HHAT: variants seen among roughly 807,000 people sequenced by gnomAD.
HHAT encodes protein-cysteine N-palmitoyltransferase HHAT.
A neutral mutation model predicts 70.8 loss-of-function variants in HHAT; 47 were observed. The observed-to-expected ratio is 0.66, with a 90% CI of 0.53 to 0.85. The LOEUF is 0.85. Among genes scored for constraint, HHAT ranks in the 40% least tolerant of loss-of-function variants. HHAT has a pLI of 0.00. For missense variants in HHAT, 609 were observed against 604.8 expected (o/e 1.01, Z -0.07); for synonymous variants, 228 against 247.6 (o/e 0.92, Z 0.74).
intron 2 of HHAT, among the ~76,000 whole-genome samples, chr1:210,354,340 G>T (rs934474613): frequency 2.0e-5 from 3 of 151,306 alleles, no homozygotes; most frequent in Admixed American, 2.0e-4. Flanking sequence ...GAGTAGCTGG[G>T]ATTACAGGTG....
intron 10 of HHAT, among the ~76,000 whole-genome samples, chr1:210,615,709 C>G (rs1026734586): frequency 6.6e-6 from 1 of 152,246 alleles, no homozygotes; most frequent in Non-Finnish European, 1.5e-5. Flanking sequence ...CCACTCCAGA[C>G]CCTGTTTGCC....
At chr1:210,363,985 T>C (rs976266709) in intron 3 of HHAT, among the ~76,000 whole-genome samples, 1 of 152,232 alleles carries the variant, frequency 6.6e-6, no homozygotes, top group African/African-American at 2.4e-5. Context: ...GCTTGAATTG[T>C]AACAAATGTA....
intron 9 of HHAT, among the ~76,000 whole-genome samples, chr1:210,542,220 C>T (rs1051947698): frequency 2.0e-5 from 3 of 152,192 alleles, no homozygotes; most frequent in Non-Finnish European, 4.4e-5. Flanking sequence ...CTTTCTCCAT[C>T]TGCCTGCCTC....
chr1:210,463,394 T>C (rs1433983265), intron 7 of HHAT, among the ~76,000 whole-genome samples: 5 of 152,214 alleles, frequency 3.3e-5, no homozygotes, highest in African/African-American at 1.2e-4. Flanking sequence ...TTCATATGAA[T>C]GGAATAATAC....
chr1:210,370,610 AT>A (rs10664778), intron 3 of HHAT, among the ~76,000 whole-genome samples: 11,975 of 97,988 alleles, frequency 0.12, 419 homozygotes, highest in Non-Finnish European at 0.17. Flanking sequence ...TGCAGATGCT[AT>A]TTTTTTTTTT....
At chr1:210,664,821 T>C (rs1678544705) in intron 11 of HHAT, among the ~76,000 whole-genome samples, 1 of 152,204 alleles carries the variant, frequency 6.6e-6, no homozygotes, top group Non-Finnish European at 1.5e-5. Context: ...TTACTCACTC[T>C]AGGGTAGCAT....
At chr1:210,649,474 A>G (rs1212791587) in intron 11 of HHAT, among the ~76,000 whole-genome samples, 1 of 152,238 alleles carries the variant, frequency 6.6e-6, no homozygotes, top group Non-Finnish European at 1.5e-5. Context: ...AGTGATTGGT[A>G]GTGTTGGGAC....
intron 10 of HHAT, among the ~76,000 whole-genome samples, chr1:210,591,063 G>C (rs546766855): frequency 6.6e-6 from 1 of 151,994 alleles, no homozygotes; most frequent in Non-Finnish European, 1.5e-5. Context: ...CTTTCTTTGC[G>C]TTACAACCAA....
At chr1:210,664,244 C>G (rs1230781094) in intron 11 of HHAT, among the ~76,000 whole-genome samples, 1 of 152,248 alleles carries the variant, frequency 6.6e-6, no homozygotes, top group East Asian at 1.9e-4. Flanking sequence ...GGAGGAAGGT[C>G]TGCAGGCTTA....
intron 11 of HHAT, among the ~76,000 whole-genome samples, chr1:210,666,743 C>A (rs1678973111): frequency 6.6e-6 from 1 of 152,030 alleles, no homozygotes; most frequent in Non-Finnish European, 1.5e-5. Context: ...CTCAGCCTCC[C>A]AAAGTGCTGG....
intron 10 of HHAT, among the ~76,000 whole-genome samples, chr1:210,615,210 C>T (rs191008720): frequency 3.1e-4 from 47 of 152,202 alleles, no homozygotes; most frequent in African/African-American, 1.0e-3. Flanking sequence ...TTAAATGTCT[C>T]CTTTTGAGAA....
Position 210,436,449 on chromosome 1 carries a change from G to A in HHAT, c.856+18124G>A, listed in dbSNP as rs1211912388. On this transcript the variant is annotated intron_variant, in intron 7 of 11. Coordinates refer to ENST00000261458, the MANE Select transcript of HHAT (RefSeq NM_018194.6). ...CTCAGGGTTGCTTTGGCTATTCGGG[G>A]TCTTTTGTAGTTCCATATGAGTTTT... Among the ~76,000 whole-genome samples the A allele has an allele frequency of 2.2e-4, 34 of 151,556 alleles. 1 individual carries two copies. Among genetic ancestry groups the A allele is most frequent in the Admixed American group, 2.2e-3 (34 of 15,250 alleles).
chr1:210,380,392 T>C (rs1369683728), intron 3 of HHAT, among the ~76,000 whole-genome samples: 1 of 152,012 alleles, frequency 6.6e-6, no homozygotes, highest in African/African-American at 2.4e-5. Context: ...AATACAAAAA[T>C]TAGTTGGGCA....
At chr1:210,618,898 A>T (rs756224148) in intron 10 of HHAT, among the ~76,000 whole-genome samples, 5 of 152,220 alleles carry the variant, frequency 3.3e-5, no homozygotes, top group Non-Finnish European at 7.4e-5. Context: ...AGTTTGACGT[A>T]AGTTTAGTTT....
At chr1:210,336,293 T>TTTTTTTA (rs1439486518) in intron 1 of HHAT, among the ~76,000 whole-genome samples, 2 of 139,228 alleles carry the variant, frequency 1.4e-5, no homozygotes, top group African/African-American at 5.3e-5. Flanking sequence ...GCTAATTTTT[T>TTTTTTTA]TTTTTTTTTT....
At chr1:210,372,626 G>A (rs539031089) in intron 3 of HHAT, among the ~76,000 whole-genome samples, 4 of 152,168 alleles carry the variant, frequency 2.6e-5, no homozygotes, top group East Asian at 3.8e-4. Context: ...CATCTTGCAC[G>A]GAAGTTCCTT....
upstream of HHAT, among the ~76,000 whole-genome samples, chr1:210,328,625 C>T (rs999807444): frequency 6.6e-5 from 10 of 152,246 alleles, no homozygotes; most frequent in African/African-American, 2.4e-4. Context: ...GGAATGACGG[C>T]CCACCTCGAG....
intron 10 of HHAT, among the ~76,000 whole-genome samples, chr1:210,607,700 A>C (rs530909171): frequency 4.6e-5 from 7 of 151,554 alleles, no homozygotes; most frequent in Admixed American, 2.6e-4. Flanking sequence ...GTCTAGGGTC[A>C]TTTAGTGGAA....
At chr1:210,568,639 A>C (rs1035719997) in intron 9 of HHAT, among the ~76,000 whole-genome samples, 4 of 152,230 alleles carry the variant, frequency 2.6e-5, no homozygotes, top group African/African-American at 9.6e-5. Context: ...CTGGGGTTTA[A>C]ATACCCTCTA....
Sources: gnomAD v4.1 joint callset for allele counts (sites outside exome capture counted in the v4.1 genomes callset) on GRCh38, gnomAD v4.1.1 for gene constraint, MANE v1.5 for transcripts, NCBI Gene and HGNC (gene_info 2026-07-23, HGNC 2026-07-21) for gene names.